Variants in MRPL58 observed in about 807,000 individuals in gnomAD.
MRPL58 encodes mitochondrial ribosomal protein L58, also known as large ribosomal subunit protein mL62.
A neutral mutation model predicts 26.0 loss-of-function variants in MRPL58; 17 were observed. The observed-to-expected ratio is 0.65, with a 90% CI of 0.45 to 0.98. The LOEUF (loss-of-function observed/expected upper bound fraction) is 0.98, where lower values mean the gene tolerates loss of function less well. Among genes scored for constraint, MRPL58 ranks in the 50% least tolerant of loss-of-function variants. MRPL58 has a pLI of 0.00. For synonymous variants in MRPL58, 100 were observed against 99.7 expected (o/e 1.00, Z -0.02); for missense variants, 250 against 269.0 (o/e 0.93, Z 0.49).
Position 75,020,366 on chromosome 17 carries a change from G to A in MRPL58, c.337G>A (p.Glu113Lys). Residue 113 changes from glutamate to lysine, a missense_variant, in exon 4 of 6, where the codon GAG (glutamate) becomes AAG (lysine). By Grantham distance (56) the Glu-to-Lys change is moderately conservative. Transcript: ENST00000301585. ...FHLATAEWIA[E>K]PVRQKIAITH... is the part of the protein sequence containing the mutation. ...TTTGGCAACTGCCGAGTGGATCGCG[G>A]AGCCCGTGCGGCAGAAGATAGCCAT... The A allele has an allele frequency of 6.2e-7, 1 of 1,614,126 alleles. No individual in the cohort carries two copies. Among genetic ancestry groups the A allele is most frequent in the Non-Finnish European group, 8.5e-7 (1 of 1,180,014 alleles).
chr17:75,012,740 G>A lies in MRPL58; in HGVS notation c.54G>A (p.Leu18=). 2 of 1,584,402 alleles carry A rather than the reference G, an allele frequency of 1.3e-6. No individual in the cohort carries two copies. Among genetic ancestry groups the A allele is most frequent in the South Asian group, 2.3e-5 (2 of 87,346 alleles). The change falls in exon 1 of 6, where the codon CTG becomes CTA. Residue 18 remains leucine (L), a synonymous_variant. Coordinates refer to ENST00000301585, the MANE Select transcript of MRPL58 (RefSeq NM_001545.3). ...GCCTGAGCCGAGCCGGAGTCTGGCT[G>A]CTCCCACCGCCCGCACGGTGCCCAC... is the stretch of plus-strand genomic sequence containing the variant. The part of the protein sequence containing the change: ...RWGLSRAGVW[L]LPPPARCPRR...
intron 2 of MRPL58, among the ~76,000 whole-genome samples, chr17:75,017,380 A>G (rs766981313): frequency 2.0e-5 from 3 of 152,350 alleles, no homozygotes; most frequent in South Asian, 2.1e-4. Flanking sequence ...TGGGAGGCCA[A>G]GGTGGGTAGA....
At chr17:75,014,179 CTTTTT>C (rs570042413) in intron 1 of MRPL58, among the ~76,000 whole-genome samples, 1 of 77,016 alleles carries the variant, frequency 1.3e-5, no homozygotes, top group Non-Finnish European at 2.2e-5. Flanking sequence ...AGTCTGGGGC[CTTTTT>C]TTTTTTTTTT....
chr17:75,016,341 A>G (rs1340618176), intron 1 of MRPL58, among the ~76,000 whole-genome samples: 1 of 151,872 alleles, frequency 6.6e-6, no homozygotes, highest in East Asian at 1.9e-4. Context: ...ACTTGAACCC[A>G]AGAGGCGGAG....
In MRPL58 at chr17:75,020,402, A is replaced by C. The variant is rs376551440; in HGVS notation, c.366+7A>C. The C allele has an allele frequency of 6.3e-5, 101 of 1,614,082 alleles. No individual in the cohort carries two copies. In the South Asian group the frequency reaches 1.1e-3, roughly 17 times the overall value. On this transcript the variant is annotated splice_region_variant and intron_variant, in intron 4 of 5. Transcript: ENST00000301585. ...GCAGAAGATAGCCATCACGGTAACCACCATCCCTTTCTTTCCCTAGAAATC... is the reference window on the plus strand; with the variant it reads ...GCAGAAGATAGCCATCACGGTAACCCCCATCCCTTTCTTTCCCTAGAAATC...
Position 75,012,696 on chromosome 17 carries a change from A to T in MRPL58, c.10A>T (p.Thr4Ser). 6.4e-7 allele frequency: 1 copy of T among 1,553,958 alleles called. No homozygotes were observed. Among genetic ancestry groups the T allele is most frequent in the Non-Finnish European group, 8.7e-7 (1 of 1,153,234 alleles). Residue 4 changes from threonine (T) to serine (S), a missense_variant, in exon 1 of 6, where the codon ACC becomes TCC. Transcript: ENST00000301585. MAA[T>S]RCLRWGLSRA... ...GTCGCAAGACCTGAGCATGGCGGCC[A>T]CCAGGTGCCTGCGCTGGGGCCTGAG...
At chr17:75,013,679 G>A (rs1457641262) in intron 1 of MRPL58, among the ~76,000 whole-genome samples, 1 of 152,196 alleles carries the variant, frequency 6.6e-6, no homozygotes, top group Non-Finnish European at 1.5e-5. Context: ...TGTCAATGAG[G>A]TGGCATTTGA....
chr17:75,014,802 AG>A (rs2039961488), intron 1 of MRPL58, among the ~76,000 whole-genome samples: 1 of 152,148 alleles, frequency 6.6e-6, no homozygotes, highest in African/African-American at 2.4e-5. Context: ...GAGATGAGAG[AG>A]TGGCAATAGC....
chr17:75,016,612 G>A (rs1009602921), intron 1 of MRPL58, among the ~76,000 whole-genome samples: 1 of 152,218 alleles, frequency 6.6e-6, no homozygotes, highest in African/African-American at 2.4e-5. Flanking sequence ...CCTGGAGTGA[G>A]TAGTTAGTTT....
At chr17:75,016,871 A>G (rs1454219411) in intron 1 of MRPL58, among the ~76,000 whole-genome samples, 2 of 152,154 alleles carry the variant, frequency 1.3e-5, no homozygotes, top group East Asian at 1.9e-4. Context: ...CATCAGATCC[A>G]TTTTCGTAGA....
chr17:75,019,736 C>A lies in MRPL58; in HGVS notation c.260C>A (p.Pro87His). Residue 87 changes from proline (P) to histidine (H), a missense_variant, in exon 3 of 6, where the codon CCT (proline) becomes CAT (histidine). By Grantham distance (77) the Pro-to-His change is moderately conservative (BLOSUM62 -2). Coordinates refer to ENST00000301585, the MANE Select transcript of MRPL58 (RefSeq NM_001545.3). Reference sequence around the variant, plus strand: ...ATATCTTATTGTCGGAGTAGTGGTCCTGGGGGGCAGAATGTGAACAAAGGT... The same window carrying A: ...ATATCTTATTGTCGGAGTAGTGGTCATGGGGGGCAGAATGTGAACAAAGGT... Reference protein sequence around the residue: ...LTISYCRSSGPGGQNVNKVNS... With the variant: ...LTISYCRSSGHGGQNVNKVNS... 6.2e-7 allele frequency: 1 copy of A among 1,608,536 alleles called. No homozygotes were observed. The highest frequency in any genetic ancestry group is 8.5e-7 in the Non-Finnish European group (1 of 1,175,968).
chr17:75,019,618 C>T, intron 2 of MRPL58, 82 bp from the exon 3 acceptor site: 1 of 1,356,626 alleles, frequency 7.4e-7, no homozygotes, highest in South Asian at 1.2e-5. Flanking sequence ...AATACCTTCC[C>T]TACATTCCTC....
Position 75,012,753 on chromosome 17 carries a change from G to C in MRPL58, c.67G>C (p.Ala23Pro). 6.3e-7 allele frequency: 1 copy of C among 1,590,842 alleles called. No homozygotes were observed. The highest frequency in any genetic ancestry group is 8.5e-7 in the Non-Finnish European group (1 of 1,170,370). ...CGGAGTCTGGCTGCTCCCACCGCCC[G>C]CACGGTGCCCACGCCGGGCGCTGCA... is the stretch of plus-strand genomic sequence containing the variant. ...RAGVWLLPPPARCPRRALHKQ... is the reference protein window; with the variant it reads ...RAGVWLLPPPPRCPRRALHKQ... Residue 23 changes from alanine to proline, a missense_variant, in exon 1 of 6, where the codon GCA becomes CCA. Ala to Pro is a conservative substitution (Grantham distance 27). Coordinates refer to ENST00000301585, the MANE Select transcript of MRPL58 (RefSeq NM_001545.3).
intron 2 of MRPL58, among the ~76,000 whole-genome samples, chr17:75,019,319 T>C (rs538956988): frequency 1.3e-5 from 2 of 152,208 alleles, no homozygotes; most frequent in South Asian, 4.1e-4. Flanking sequence ...CTCTCATGGA[T>C]CCCGAAGCGT....
Position 75,021,125 on chromosome 17 carries a change from A to G in MRPL58, c.*120A>G. 1 of 673,062 alleles carries G rather than the reference A, an allele frequency of 1.5e-6. No homozygotes were observed. The highest frequency in any genetic ancestry group is 2.6e-5 in the Admixed American group (1 of 37,770). The allele number at this position is 673,062 out of a possible 1,614,324, so 41.7% of individuals were successfully genotyped here. ...TTGGCTGTTAATGCTTGTCTATAAC[A>G]TTGGAGCCATCACAAGAATGTTCAT... On this transcript the variant is annotated 3_prime_UTR_variant, in exon 6 of 6. Transcript: ENST00000301585.
intron 1 of MRPL58, among the ~76,000 whole-genome samples, chr17:75,016,030 C>T (rs1211149366): frequency 8.0e-6 from 1 of 125,086 alleles, no homozygotes; most frequent in South Asian, 3.0e-4. Context: ...AGTGATCCAC[C>T]CGTCTCGGCC....
At chr17:75,020,862 A>G (rs564603142) in intron 5 of MRPL58, 59 bp from the exon 6 acceptor site, 12 of 1,429,190 alleles carry the variant, frequency 8.4e-6, no homozygotes, top group Non-Finnish European at 1.2e-5. Context: ...AACTCCTCTC[A>G]CCACTTTGAA....
Position 75,012,756 on chromosome 17 carries a change from C to CA in MRPL58, c.70_71insA (p.Arg24GlnfsTer15). 6.3e-7 allele frequency: 1 copy of CA among 1,592,978 alleles called. No homozygotes were observed. The highest frequency in any genetic ancestry group is 8.5e-7 in the Non-Finnish European group (1 of 1,171,278). On this transcript the variant is annotated frameshift_variant, in exon 1 of 6. Coordinates refer to ENST00000301585, the MANE Select transcript of MRPL58 (RefSeq NM_001545.3). LOFTEE classifies it high-confidence loss of function. ...AGTCTGGCTGCTCCCACCGCCCGCA[C>CA]GGTGCCCACGCCGGGCGCTGCACAA... is the stretch of plus-strand genomic sequence containing the variant.
chr17:75,016,246 A>G (rs1270736470), intron 1 of MRPL58, among the ~76,000 whole-genome samples: 1 of 145,466 alleles, frequency 6.9e-6, no homozygotes, highest in Middle Eastern at 3.2e-3. Flanking sequence ...TCTACTAAAA[A>G]TACAAAAAAA....
Sources: gnomAD v4.1 joint callset for allele counts (sites outside exome capture counted in the v4.1 genomes callset) on GRCh38, gnomAD v4.1.1 for gene constraint, MANE v1.5 for transcripts, NCBI Gene and HGNC (gene_info 2026-07-23, HGNC 2026-07-21) for gene names.